The following FRMD4A variants were observed in gnomAD, a reference collection of about 807,000 sequenced individuals.
FRMD4A encodes the protein FERM domain containing 4A.
A neutral mutation model predicts 129.1 loss-of-function variants in FRMD4A; 29 were observed. That is an observed-to-expected ratio of 0.22 (90% CI 0.17 to 0.31). FRMD4A has a LOEUF of 0.31. FRMD4A is among the 10% of genes least tolerant of loss of function. FRMD4A has a pLI of 1.00. For missense variants in FRMD4A, 1,272 were observed against 1,375.8 expected, an observed-to-expected ratio of 0.92 and a Z score of 1.19; for synonymous variants, 634 against 571.6, an observed-to-expected ratio of 1.11 and a Z score of -1.56.
intron 3 of FRMD4A, among the ~76,000 whole-genome samples, chr10:13,830,884 G>C (rs2093779827): frequency 6.6e-6 from 1 of 152,090 alleles, no homozygotes; most frequent in Non-Finnish European, 1.5e-5. Context: ...CTGCCTCCCG[G>C]GTTCAAGTGA....
intron 3 of FRMD4A, among the ~76,000 whole-genome samples, chr10:13,822,228 A>G (rs546092544): frequency 6.6e-6 from 1 of 152,346 alleles, no homozygotes; most frequent in African/African-American, 2.4e-5. Flanking sequence ...AACATTTCCA[A>G]ACTACTCTCA....
intron 2 of FRMD4A, among the ~76,000 whole-genome samples, chr10:14,151,304 T>C (rs1840328090): frequency 6.6e-6 from 1 of 152,226 alleles, no homozygotes; most frequent in South Asian, 2.1e-4. Context: ...ATGTGGTACA[T>C]GTACACCATG....
intron 2 of FRMD4A, among the ~76,000 whole-genome samples, chr10:13,880,696 C>T (rs745524731): frequency 6.6e-6 from 1 of 152,092 alleles, no homozygotes; most frequent in Admixed American, 6.5e-5. Flanking sequence ...ATTCTGCCCT[C>T]TGCTTGGAAT....
At chr10:13,745,297 T>C (rs1447127147) in intron 9 of FRMD4A, among the ~76,000 whole-genome samples, 2 of 151,978 alleles carry the variant, frequency 1.3e-5, no homozygotes, top group Non-Finnish European at 1.5e-5. Context: ...CCTGTTGTGG[T>C]TGTGGTTGTT....
intron 4 of FRMD4A, among the ~76,000 whole-genome samples, chr10:13,803,099 A>G (rs887638324): frequency 6.7e-6 from 1 of 149,496 alleles, no homozygotes; most frequent in South Asian, 2.2e-4. Flanking sequence ...CAGTGAGCCG[A>G]GATGGCACCA....
chr10:13,971,828 C>T, intron 2 of FRMD4A: 1 of 1,304,156 alleles, frequency 7.7e-7, no homozygotes, highest in African/African-American at 1.5e-5. Context: ...CGCCAACCCT[C>T]TGGTCCCTGG....
intron 2 of FRMD4A, among the ~76,000 whole-genome samples, chr10:14,105,300 T>A (rs978891428): frequency 4.6e-5 from 7 of 152,304 alleles, no homozygotes; most frequent in African/African-American, 1.7e-4. Flanking sequence ...GCATGGCGCA[T>A]CATGCCTGTA....
chr10:13,842,462 C>T (rs891907757), intron 3 of FRMD4A, among the ~76,000 whole-genome samples: 1 of 152,182 alleles, frequency 6.6e-6, no homozygotes, highest in African/African-American at 2.4e-5. Flanking sequence ...TGGTTGGTTT[C>T]CTTATCTCTA....
chr10:13,704,267 T>A (rs1331909133), intron 13 of FRMD4A, among the ~76,000 whole-genome samples: 1 of 152,190 alleles, frequency 6.6e-6, no homozygotes, highest in Non-Finnish European at 1.5e-5. Context: ...TTTCCTTGTG[T>A]GTCTTTAATG....
chr10:13,743,628 T>C (rs947103216), intron 9 of FRMD4A, among the ~76,000 whole-genome samples: 1 of 152,160 alleles, frequency 6.6e-6, no homozygotes, highest in African/African-American at 2.4e-5. Flanking sequence ...CACAGGGTTC[T>C]GGGTGGCCGA....
intron 2 of FRMD4A, among the ~76,000 whole-genome samples, chr10:14,106,220 A>G (rs1837580202): frequency 6.6e-6 from 1 of 152,212 alleles, no homozygotes; most frequent in Non-Finnish European, 1.5e-5. Flanking sequence ...GATATGTTTC[A>G]ATTCATCCAT....
chr10:13,702,913 GAAAA>G (rs34246612), intron 13 of FRMD4A, among the ~76,000 whole-genome samples: 51,966 of 131,902 alleles, frequency 0.39, 10,252 homozygotes, highest in South Asian at 0.49. Context: ...AAAAGTGAAG[GAAAA>G]AAAAAAAAAA....
intron 12 of FRMD4A, among the ~76,000 whole-genome samples, chr10:13,736,902 AATGAAAAC>A (rs201917480): frequency 0.012 from 1,852 of 152,260 alleles, 59 homozygotes; most frequent in South Asian, 0.11. Context: ...AGTGTTTGTA[AATGAAAAC>A]AGAGAAAATT....
intron 2 of FRMD4A, among the ~76,000 whole-genome samples, chr10:14,061,329 G>A (rs1834803935): frequency 6.6e-6 from 1 of 152,094 alleles, no homozygotes; most frequent in South Asian, 2.1e-4. Context: ...ATGTGCACCT[G>A]CAATCCCAGC....
intron 2 of FRMD4A, among the ~76,000 whole-genome samples, chr10:13,992,699 A>G (rs913089867): frequency 2.0e-5 from 3 of 152,152 alleles, no homozygotes; most frequent in African/African-American, 4.8e-5. Flanking sequence ...CGCACCTGTA[A>G]TCCCAGCACT....
intron 2 of FRMD4A, among the ~76,000 whole-genome samples, chr10:13,910,704 T>C (rs561220585): frequency 6.6e-6 from 1 of 152,272 alleles, no homozygotes; most frequent in East Asian, 1.9e-4. Flanking sequence ...ATAAAGATTT[T>C]TTTTCCACAA....
At chr10:14,170,115 G>A (rs1034343436) in intron 2 of FRMD4A, among the ~76,000 whole-genome samples, 6 of 152,264 alleles carry the variant, frequency 3.9e-5, no homozygotes, top group Admixed American at 2.6e-4. Context: ...ATTGCCCTAA[G>A]GAGCCATAGA....
intron 2 of FRMD4A, among the ~76,000 whole-genome samples, chr10:14,163,814 C>T (rs545714475): frequency 3.9e-5 from 6 of 152,344 alleles, no homozygotes; most frequent in African/African-American, 1.2e-4. Flanking sequence ...ATCTTCATCT[C>T]ACTCCTCTTG....
intron 2 of FRMD4A, among the ~76,000 whole-genome samples, chr10:14,026,982 G>A (rs1460508923): frequency 6.6e-6 from 1 of 152,120 alleles, no homozygotes; most frequent in Non-Finnish European, 1.5e-5. Flanking sequence ...TGGGTACATA[G>A]TAGGTGTATA....
Sources: gnomAD v4.1 joint callset for allele counts (sites outside exome capture counted in the v4.1 genomes callset) on GRCh38, gnomAD v4.1.1 for gene constraint, MANE v1.5 for transcripts, NCBI Gene and HGNC (gene_info 2026-07-23, HGNC 2026-07-21) for gene names.